Variants in DLG2 observed in about 807,000 individuals in gnomAD.
The protein encoded by DLG2 is discs large MAGUK scaffold protein 2.
Under a neutral mutation model 132.5 loss-of-function variants are expected in DLG2, and 45 were observed. The observed-to-expected ratio is 0.34, with a 90% CI of 0.27 to 0.44. The LOEUF (loss-of-function observed/expected upper bound fraction) is 0.44, where lower values mean the gene tolerates loss of function less well. DLG2 is among the 20% of genes least tolerant of loss of function. The probability of loss-of-function intolerance (pLI) is 1.00; values close to 1 mark genes in which losing one functional copy is unlikely to be tolerated. For synonymous variants in DLG2, 424 were observed against 419.6 expected (o/e 1.01, Z -0.13); for missense variants, 1,045 against 1,196.9 (o/e 0.87, Z 1.87).
At chr11:85,056,129 A>G (rs1350866234) in intron 6 of DLG2, among the ~76,000 whole-genome samples, 1 of 152,126 alleles carries the variant, frequency 6.6e-6, no homozygotes, top group African/African-American at 2.4e-5. Context: ...AACAGAACAG[A>G]GTTGCCATTG....
intron 3 of DLG2, among the ~76,000 whole-genome samples, chr11:85,376,207 T>A (rs991392708): frequency 6.6e-6 from 1 of 152,198 alleles, no homozygotes; most frequent in Non-Finnish European, 1.5e-5. Flanking sequence ...ATGCAAATTG[T>A]TATAGGAATA....
intron 3 of DLG2, among the ~76,000 whole-genome samples, chr11:85,320,038 A>G (rs901187481): frequency 6.6e-6 from 1 of 151,884 alleles, no homozygotes; most frequent in Non-Finnish European, 1.5e-5. Context: ...TTCTTAAACC[A>G]TGCTCTTTGA....
intron 9 of DLG2, among the ~76,000 whole-genome samples, chr11:84,107,122 A>C (rs1379791512): frequency 6.6e-6 from 1 of 151,854 alleles, no homozygotes; most frequent in Non-Finnish European, 1.5e-5. Flanking sequence ...GCATCTCTTT[A>C]GTCTAAAGGA....
chr11:83,739,801 G>A (rs967740778), intron 18 of DLG2, among the ~76,000 whole-genome samples: 1 of 152,144 alleles, frequency 6.6e-6, no homozygotes, highest in Non-Finnish European at 1.5e-5. Context: ...GTACACCACA[G>A]TATGGAGTTC....
chr11:85,399,542 T>C (rs2087814014), intron 3 of DLG2, among the ~76,000 whole-genome samples: 1 of 152,162 alleles, frequency 6.6e-6, no homozygotes, highest in Admixed American at 6.5e-5. Context: ...ACTACAAGGC[T>C]ACAGTAACCA....
chr11:84,389,031 C>T (rs567224933), intron 7 of DLG2, among the ~76,000 whole-genome samples: 1 of 152,132 alleles, frequency 6.6e-6, no homozygotes, highest in East Asian at 1.9e-4. Flanking sequence ...CTTCTAAAAG[C>T]CTTTATGTCA....
chr11:84,019,760 C>A (rs781331853), intron 11 of DLG2, among the ~76,000 whole-genome samples: 15 of 152,100 alleles, frequency 9.9e-5, no homozygotes, highest in Admixed American at 6.6e-4. Flanking sequence ...CATCCCTAAG[C>A]CACGGAATGC....
intron 7 of DLG2, among the ~76,000 whole-genome samples, chr11:84,434,138 A>G (rs1295109924): frequency 6.6e-6 from 1 of 151,770 alleles, no homozygotes; most frequent in Admixed American, 6.6e-5. Flanking sequence ...AAAAAAAAGA[A>G]TAATAGGTGA....
intron 18 of DLG2, among the ~76,000 whole-genome samples, chr11:83,753,877 TATATA>T (rs2093519712): frequency 9.2e-5 from 5 of 54,466 alleles, no homozygotes; most frequent in Non-Finnish European, 1.2e-4. Context: ...ATATATATGA[TATATA>T]TCATATATAT....
intron 4 of DLG2, among the ~76,000 whole-genome samples, chr11:85,268,705 G>A (rs1447691646): frequency 6.6e-6 from 1 of 152,098 alleles, no homozygotes; most frequent in African/African-American, 2.4e-5. Context: ...CACATTACAA[G>A]GATAAATACT....
intron 4 of DLG2, among the ~76,000 whole-genome samples, chr11:85,173,558 A>C (rs1268544990): frequency 2.0e-5 from 3 of 152,218 alleles, no homozygotes; most frequent in Non-Finnish European, 4.4e-5. Flanking sequence ...ACTATGAAGT[A>C]ACCACATAAA....
chr11:84,751,957 C>CTA (rs1277997180), intron 6 of DLG2, among the ~76,000 whole-genome samples: 1 of 152,150 alleles, frequency 6.6e-6, no homozygotes, highest in Non-Finnish European at 1.5e-5. Flanking sequence ...AAGTGTTGTA[C>CTA]TATTTCACAC....
At chr11:84,968,252 A>G (rs1169997182) in intron 6 of DLG2, among the ~76,000 whole-genome samples, 3 of 152,184 alleles carry the variant, frequency 2.0e-5, no homozygotes, top group Non-Finnish European at 2.9e-5. Flanking sequence ...TAGATTTAGC[A>G]CAATGCATAT....
At chr11:85,221,373 A>G (rs905310587) in intron 4 of DLG2, among the ~76,000 whole-genome samples, 17 of 152,062 alleles carry the variant, frequency 1.1e-4, no homozygotes, top group Non-Finnish European at 1.5e-4. Flanking sequence ...TTTCTTTTCT[A>G]AAAACTCATT....
chr11:83,842,404 GC>G (rs1003857049), intron 16 of DLG2, among the ~76,000 whole-genome samples: 1 of 151,180 alleles, frequency 6.6e-6, no homozygotes, highest in African/African-American at 2.4e-5. Context: ...GACCATTCTG[GC>G]CAACATGGTG....
At chr11:84,609,004 G>A (rs2099590627) in intron 6 of DLG2, among the ~76,000 whole-genome samples, 1 of 152,142 alleles carries the variant, frequency 6.6e-6, no homozygotes, top group Admixed American at 6.5e-5. Context: ...TTGAAACAGA[G>A]GCAGTTTGGC....
Position 84,801,242 on chromosome 11 carries a change from T to C in DLG2, c.358-266511A>G, listed in dbSNP as rs141734393. 6.9e-4 allele frequency among the ~76,000 whole-genome samples: 105 copies of C among 152,310 alleles called. 2 individuals carry two copies. In the East Asian group the frequency reaches 0.014, roughly 21 times the overall value. On this transcript the variant is annotated intron_variant, in intron 6 of 27. Coordinates refer to ENST00000376104, the MANE Select transcript of DLG2 (RefSeq NM_001142699.3). ...AAAGCAGCCATATTAGTATGTGCCA[T>C]GCTATATTCTCCAGTCCAAGAAGGT... is the stretch of plus-strand genomic sequence containing the variant.
intron 6 of DLG2, among the ~76,000 whole-genome samples, chr11:84,934,586 CATT>C (rs1465144513): frequency 8.3e-6 from 1 of 120,000 alleles, no homozygotes; most frequent in African/African-American, 3.3e-5. Flanking sequence ...TTTCAGACCT[CATT>C]ATTAGTCTGT....
intron 17 of DLG2, among the ~76,000 whole-genome samples, chr11:83,828,893 TATACATATAC>T (rs2053680440): frequency 6.6e-6 from 1 of 152,200 alleles, no homozygotes; most frequent in Non-Finnish European, 1.5e-5. Context: ...TATGTGTTTA[TATACATATAC>T]ATACATATAC....
Sources: gnomAD v4.1 joint callset for allele counts (sites outside exome capture counted in the v4.1 genomes callset) on GRCh38, gnomAD v4.1.1 for gene constraint, MANE v1.5 for transcripts, NCBI Gene and HGNC (gene_info 2026-07-23, HGNC 2026-07-21) for gene names.